USO1: variants seen among roughly 807,000 people sequenced by gnomAD.
USO1 encodes the protein USO1 vesicle transport factor.
USO1 carries 57 observed loss-of-function variants against 124.5 expected under a neutral mutation model. That is an observed-to-expected ratio of 0.46 (90% confidence interval 0.37 to 0.57). The LOEUF (loss-of-function observed/expected upper bound fraction) is 0.57, where lower values mean the gene tolerates loss of function less well. Ranked by LOEUF, USO1 falls within the 20% of genes least tolerant of loss-of-function variation. USO1 has a pLI of 0.00. For synonymous variants in USO1, 369 were observed against 362.8 expected (o/e 1.02, Z -0.19); for missense variants, 900 against 1,040.6 (o/e 0.86, Z 1.86).
intron 1 of USO1, among the ~76,000 whole-genome samples, chr4:75,728,730 A>T (rs1245294094): frequency 6.6e-6 from 1 of 152,218 alleles, no homozygotes; most frequent in Non-Finnish European, 1.5e-5. Flanking sequence ...AGTACTGGAT[A>T]TTTTAAATTC....
chr4:75,808,852 T>A, intron 20 of USO1, 101 bp from the exon 21 acceptor site: 1 of 1,324,308 alleles, frequency 7.6e-7, no homozygotes, highest in Non-Finnish European at 1.0e-6. Context: ...ATTTTAAAAG[T>A]AGGAGGTTGT....
At chr4:75,753,217 G>A (rs904308428) in intron 3 of USO1, among the ~76,000 whole-genome samples, 159 of 149,420 alleles carry the variant, frequency 1.1e-3, no homozygotes, top group African/African-American at 3.8e-3. Flanking sequence ...CCAGGAGTTC[G>A]ATACTAGCCT....
intron 7 of USO1, among the ~76,000 whole-genome samples, chr4:75,772,910 A>G (rs1721972418): frequency 6.6e-6 from 1 of 152,142 alleles, no homozygotes; most frequent in East Asian, 1.9e-4. Context: ...CAGCCTGGTC[A>G]ACATGATGAA....
chr4:75,732,476 G>A (rs1180414840), intron 1 of USO1, among the ~76,000 whole-genome samples: 2 of 152,120 alleles, frequency 1.3e-5, no homozygotes, highest in African/African-American at 2.4e-5. Flanking sequence ...ATATGCAAGT[G>A]CATATGGCTT....
At chr4:75,810,204 A>T (rs914977500) in intron 21 of USO1, among the ~76,000 whole-genome samples, 32 of 152,194 alleles carry the variant, frequency 2.1e-4, no homozygotes, top group Admixed American at 6.5e-5. Flanking sequence ...ACCTTGAGGC[A>T]CCTTAGCCCA....
At chr4:75,745,946 G>A (rs1322393798) in intron 1 of USO1, among the ~76,000 whole-genome samples, 2 of 152,000 alleles carry the variant, frequency 1.3e-5, no homozygotes, top group Non-Finnish European at 2.9e-5. Context: ...ATTAGTTTGG[G>A]CATTGTTTCA....
At chr4:75,727,205 T>G (rs3942252) in intron 1 of USO1, among the ~76,000 whole-genome samples, 135,968 of 152,230 alleles carry the variant, frequency 0.89, 60,775 homozygotes, top group African/African-American at 0.93. Flanking sequence ...CATTTTATAG[T>G]CACAGAGCAC....
chr4:75,741,601 C>CTT (rs34702586), intron 1 of USO1, among the ~76,000 whole-genome samples: 153 of 78,814 alleles, frequency 1.9e-3, no homozygotes, highest in Non-Finnish European at 2.2e-3. Flanking sequence ...ACTTTTTAAA[C>CTT]TTTTTTTTTT....
intron 1 of USO1, among the ~76,000 whole-genome samples, chr4:75,728,877 C>T (rs567249824): frequency 6.6e-6 from 1 of 152,104 alleles, no homozygotes; most frequent in East Asian, 2.0e-4. Flanking sequence ...TGGCTCACTG[C>T]AAGCTCCCCC....
At chr4:75,796,980 T>G (rs1349339673) in intron 13 of USO1, among the ~76,000 whole-genome samples, 1 of 151,720 alleles carries the variant, frequency 6.6e-6, no homozygotes, top group Non-Finnish European at 1.5e-5. Flanking sequence ...GCATTTTAAG[T>G]CATACTTAGA....
At chr4:75,779,292 G>A (rs1722156037) in intron 8 of USO1, among the ~76,000 whole-genome samples, 1 of 152,076 alleles carries the variant, frequency 6.6e-6, no homozygotes, top group Non-Finnish European at 1.5e-5. Flanking sequence ...TGGCCTCTAA[G>A]TGTTCAAGTG....
In USO1 at chr4:75,806,573, G is replaced by T. The variant is rs1723003255; in HGVS notation, c.2376+1G>T. On this transcript the variant is annotated splice_donor_variant, in intron 20 of 23. Coordinates refer to ENST00000514213, the MANE Select transcript of USO1 (RefSeq NM_003715.4). LOFTEE classifies it high-confidence loss of function. The stretch of plus-strand genomic sequence containing the variant: ...TGAACAAGTTGCAGAATTAAAACAG[G>T]TAATTTTCCACTTTGATCCAATTCT... 1 of 1,552,466 alleles carries T rather than the reference G, an allele frequency of 6.4e-7. No individual in the cohort carries two copies. Among genetic ancestry groups the T allele is most frequent in the Non-Finnish European group, 8.7e-7 (1 of 1,147,490 alleles).
chr4:75,775,846 G>C (rs1227714599), intron 8 of USO1, among the ~76,000 whole-genome samples: 1 of 152,166 alleles, frequency 6.6e-6, no homozygotes, highest in Non-Finnish European at 1.5e-5. Flanking sequence ...TCTAAAAAAG[G>C]CATTTGGTTG....
intron 4 of USO1, chr4:75,767,662 A>G: frequency 3.6e-6 from 1 of 276,534 alleles, no homozygotes; most frequent in Non-Finnish European, 7.2e-6. Context: ...GCGGATCACG[A>G]GGTCAGGAGA....
At chr4:75,768,183 A>C (rs1284155380) in intron 4 of USO1, among the ~76,000 whole-genome samples, 3 of 151,922 alleles carry the variant, frequency 2.0e-5, no homozygotes, top group African/African-American at 4.8e-5. Context: ...AGCCAGCCTA[A>C]ATTTTTATTT....
intron 1 of USO1, among the ~76,000 whole-genome samples, chr4:75,742,198 CT>C (rs1360516204): frequency 6.6e-6 from 1 of 152,124 alleles, no homozygotes; most frequent in Non-Finnish European, 1.5e-5. Context: ...TCATTTGTTA[CT>C]GTTATCAAGT....
rs1720833923 is a variant in USO1, at chr4:75,737,688, G to A, written c.66+12803G>A. 2.6e-5 allele frequency among the ~76,000 whole-genome samples: 4 copies of A among 152,038 alleles called. No individual in the cohort carries two copies. In the South Asian group the frequency reaches 8.3e-4, roughly 32 times the overall value. ...TCCAGCCTGTACAGCAGAGCAAGAA[G>A]ATCCTGGCTCTAAAAAAAGAACAGT... On this transcript the variant is annotated intron_variant, in intron 1 of 23. Coordinates refer to ENST00000514213, the MANE Select transcript of USO1 (RefSeq NM_003715.4).
At chr4:75,757,608 AC>A in intron 4 of USO1, 35 bp downstream of exon 4, 1 of 1,394,610 alleles carries the variant, frequency 7.2e-7, no homozygotes, top group Non-Finnish European at 9.4e-7. Flanking sequence ...TGTTTTCTGT[AC>A]TTAAAACCAA....
chr4:75,760,397 A>C (rs1721571362), intron 4 of USO1, among the ~76,000 whole-genome samples: 1 of 152,220 alleles, frequency 6.6e-6, no homozygotes, highest in South Asian at 2.1e-4. Context: ...TCGTAGTCCT[A>C]AAAATATAGC....
Sources: gnomAD v4.1 joint callset for allele counts (sites outside exome capture counted in the v4.1 genomes callset) on GRCh38, gnomAD v4.1.1 for gene constraint, MANE v1.5 for transcripts, NCBI Gene and HGNC (gene_info 2026-07-23, HGNC 2026-07-21) for gene names.